DISP1: variants seen among roughly 807,000 people sequenced by gnomAD.
DISP1 encodes protein dispatched homolog 1.
In DISP1, 30 loss-of-function variants were observed where a neutral mutation model predicts 37.3. The observed-to-expected ratio is 0.80, with a 90% CI of 0.60 to 1.09. The LOEUF is 1.09. Ranked by LOEUF, DISP1 falls within the 50% of genes least tolerant of loss-of-function variation. The probability of loss-of-function intolerance (pLI) is 0.00; values close to 1 mark genes in which losing one functional copy is unlikely to be tolerated. For missense variants in DISP1, 1,598 were observed against 1,879.5 expected (o/e 0.85, Z 2.77); for synonymous variants, 634 against 690.2 (o/e 0.92, Z 1.28).
intron 1 of DISP1, among the ~76,000 whole-genome samples, chr1:222,870,269 T>G (rs1558303173): frequency 6.6e-6 from 1 of 152,216 alleles, no homozygotes; most frequent in African/African-American, 2.4e-5. Flanking sequence ...TGTGTCTTTA[T>G]AGCAGCATGA....
At chr1:222,998,313 A>T (rs983690528) in intron 8 of DISP1, among the ~76,000 whole-genome samples, 7 of 151,068 alleles carry the variant, frequency 4.6e-5, no homozygotes, top group Admixed American at 1.3e-4. Flanking sequence ...GGGCGCAACC[A>T]AGCAATAGCA....
intron 1 of DISP1, among the ~76,000 whole-genome samples, chr1:222,862,935 A>G (rs1003802256): frequency 1.3e-5 from 2 of 152,292 alleles, no homozygotes; most frequent in East Asian, 3.9e-4. Context: ...AATCTGGAAC[A>G]GTACTCTAGT....
Position 222,970,228 on chromosome 1 carries a change from C to T in DISP1, c.510-12852C>T, listed in dbSNP as rs139599454. On this transcript the variant is annotated intron_variant, in intron 3 of 8. Coordinates refer to ENST00000675850, the MANE Select transcript of DISP1 (RefSeq NM_001377229.1). ...TCCTACAGTGTGACATGCACCAGCA[C>T]GGATGTGTTATTAGTGTCACCCGTT... Among the ~76,000 whole-genome samples, 413 of 151,564 alleles carry T rather than the reference C, an allele frequency of 2.7e-3. 1 individual carries two copies. Among genetic ancestry groups the T allele is most frequent in the Middle Eastern group, 0.014 (4 of 294 alleles).
intron 3 of DISP1, among the ~76,000 whole-genome samples, chr1:222,949,963 C>G (rs1391976446): frequency 6.6e-6 from 1 of 152,180 alleles, no homozygotes; most frequent in Non-Finnish European, 1.5e-5. Flanking sequence ...AATAGTCTCT[C>G]CTCACCATGA....
chr1:222,981,442 C>T (rs1414867827), intron 3 of DISP1, among the ~76,000 whole-genome samples: 3 of 152,176 alleles, frequency 2.0e-5, no homozygotes, highest in Non-Finnish European at 4.4e-5. Flanking sequence ...TTTTAATGGG[C>T]TTAGAATCCA....
rs117686293 is a variant in DISP1 at position 222,994,274 on chromosome 1, A to G, written c.890-611A>G. 4.3e-4 allele frequency among the ~76,000 whole-genome samples: 66 copies of G among 152,296 alleles called. No individual in the cohort carries two copies. In the East Asian group the frequency reaches 0.013, roughly 29 times the overall value. ...CCTAATCTGACTTTAAAGACCATGC[A>G]TGCTCTTTCTGGTATATCATACAAC... On this transcript the variant is annotated intron_variant, in intron 7 of 8. Transcript: ENST00000675850.
rs112812850 is a variant in DISP1, at chr1:222,984,435, T to G, written c.539+1326T>G. ...AAAAAAAAAAAAATATATATATATATAGAGAGAGAGAGAGAGAGAGAGAGC... is the reference window on the plus strand; with the variant it reads ...AAAAAAAAAAAAATATATATATATAGAGAGAGAGAGAGAGAGAGAGAGAGC... On this transcript the variant is annotated intron_variant, in intron 4 of 8. Transcript: ENST00000675850. Among the ~76,000 whole-genome samples, 269 of 108,268 alleles carry G rather than the reference T, an allele frequency of 2.5e-3. 11 individuals carry two copies. Among genetic ancestry groups the G allele is most frequent in the African/African-American group, 4.2e-3 (111 of 26,390 alleles). 71.0% of individuals were successfully genotyped at this position (108,268 alleles called of 152,430 possible).
intron 1 of DISP1, among the ~76,000 whole-genome samples, chr1:222,925,706 G>A (rs2609400): frequency 0.16 from 23,846 of 151,910 alleles, 1,951 homozygotes; most frequent in East Asian, 0.3. Context: ...TTCTCAAAAT[G>A]TGGGTCCCAG....
intron 1 of DISP1, among the ~76,000 whole-genome samples, chr1:222,864,431 A>G (rs991267190): frequency 2.0e-4 from 30 of 151,778 alleles, no homozygotes; most frequent in East Asian, 1.9e-4. Context: ...CTTACCATTT[A>G]TTATATATTT....
At chr1:222,987,098 T>C (rs1002736386) in intron 4 of DISP1, among the ~76,000 whole-genome samples, 1 of 151,760 alleles carries the variant, frequency 6.6e-6, no homozygotes, top group Non-Finnish European at 1.5e-5. Flanking sequence ...ATTTGTGAGA[T>C]TTATAGACTA....
chr1:222,829,117 A>G (rs1665126314), intron 1 of DISP1, among the ~76,000 whole-genome samples: 1 of 152,186 alleles, frequency 6.6e-6, no homozygotes, highest in Non-Finnish European at 1.5e-5. Flanking sequence ...AACTCCCCTT[A>G]CTGAAGGTTT....
chr1:222,967,018 A>C (rs76741996), intron 3 of DISP1, among the ~76,000 whole-genome samples: 6,769 of 152,160 alleles, frequency 0.044, 512 homozygotes, highest in African/African-American at 0.15. Context: ...ATTTCCCTTC[A>C]GGTCTGCTCT....
At chr1:222,902,407 G>A (rs958454740) in intron 1 of DISP1, among the ~76,000 whole-genome samples, 1 of 152,158 alleles carries the variant, frequency 6.6e-6, no homozygotes, top group African/African-American at 2.4e-5. Context: ...AGGACTTCAT[G>A]TCTAAAACAC....
chr1:222,854,852 A>G (rs1355897249), intron 1 of DISP1, among the ~76,000 whole-genome samples: 1 of 151,906 alleles, frequency 6.6e-6, no homozygotes, highest in Non-Finnish European at 1.5e-5. Context: ...CTTGGGATGA[A>G]CAAGATTTTG....
chr1:222,834,418 T>C (rs1230397561), intron 1 of DISP1, among the ~76,000 whole-genome samples: 1 of 152,008 alleles, frequency 6.6e-6, no homozygotes, highest in African/African-American at 2.4e-5. Flanking sequence ...AAAAGAAAAA[T>C]GTTTCAGTAG....
Position 223,002,565 on chromosome 1 carries a change from C to G in DISP1, c.1168C>G (p.Gln390Glu). Reference protein sequence around the residue: ...KLLRTCAKHYQNGTLGPDCWD... With the variant: ...KLLRTCAKHYENGTLGPDCWD... ...GCTTCGGACTTGTGCCAAACACTAC[C>G]AAAATGGCACTCTGGGGCCAGACTG... Residue 390 changes from glutamine to glutamate, a missense_variant, in exon 9 of 9, where the codon CAA becomes GAA. Gln to Glu is a conservative substitution (Grantham distance 29). Transcript: ENST00000675850. 1 of 1,614,118 alleles carries G rather than the reference C, an allele frequency of 6.2e-7. No homozygotes were observed. The highest frequency in any genetic ancestry group is 8.5e-7 in the Non-Finnish European group (1 of 1,180,012).
intron 1 of DISP1, among the ~76,000 whole-genome samples, chr1:222,896,079 G>T (rs1671240116): frequency 6.6e-6 from 1 of 152,112 alleles, no homozygotes; most frequent in South Asian, 2.1e-4. Context: ...GGAGGTCCAG[G>T]TGGGAGGATA....
intron 3 of DISP1, among the ~76,000 whole-genome samples, chr1:222,972,530 C>T (rs1382170449): frequency 6.6e-6 from 1 of 152,162 alleles, no homozygotes; most frequent in East Asian, 1.9e-4. Context: ...ACCCCTAATC[C>T]AGTAAGTTGT....
chr1:222,861,972 G>A (rs570256322), intron 1 of DISP1, among the ~76,000 whole-genome samples: 4 of 152,282 alleles, frequency 2.6e-5, no homozygotes, highest in African/African-American at 7.2e-5. Context: ...GACATTGGCT[G>A]CATTAAAAGA....
Sources: allele counts gnomAD v4.1 joint callset (sites outside exome capture counted in the v4.1 genomes callset), GRCh38; gene constraint gnomAD v4.1.1; transcripts MANE v1.5; gene names NCBI Gene and HGNC (gene_info 2026-07-23, HGNC 2026-07-21).